HCN1: variants seen among roughly 807,000 people sequenced by gnomAD.
The protein encoded by HCN1 is potassium/sodium hyperpolarization-activated cyclic nucleotide-gated channel 1.
Under a neutral mutation model 78.9 loss-of-function variants are expected in HCN1, and 13 were observed. That is an observed-to-expected ratio of 0.16 (90% confidence interval 0.11 to 0.26). The LOEUF (loss-of-function observed/expected upper bound fraction) is 0.26. HCN1 is among the 10% of genes least tolerant of loss of function. HCN1 has a pLI of 1.00. For synonymous variants in HCN1, 552 were observed against 455.5 expected (o/e 1.21, Z -2.70); for missense variants, 810 against 1,154.3 (o/e 0.70, Z 4.32).
intron 4 of HCN1, among the ~76,000 whole-genome samples, chr5:45,375,233 TATATA>T (rs539097882): frequency 3.0e-3 from 349 of 116,924 alleles, no homozygotes; most frequent in African/African-American, 0.012. Context: ...TATTTTATAA[TATATA>T]ATATATTATA....
chr5:45,408,969 G>A (rs1008382031), intron 3 of HCN1, among the ~76,000 whole-genome samples: 8 of 151,900 alleles, frequency 5.3e-5, no homozygotes, highest in African/African-American at 1.9e-4. Context: ...TGTTTATGTC[G>A]GTTATCAGAT....
intron 2 of HCN1, among the ~76,000 whole-genome samples, chr5:45,616,542 A>T (rs368325349): frequency 7.2e-5 from 11 of 151,988 alleles, no homozygotes; most frequent in African/African-American, 2.7e-4. Context: ...AGAAAATAAG[A>T]TTTTCTCAGC....
chr5:45,449,811 T>C (rs1740878805), intron 3 of HCN1, among the ~76,000 whole-genome samples: 1 of 151,366 alleles, frequency 6.6e-6, no homozygotes, highest in Non-Finnish European at 1.5e-5. Context: ...TGCATAAGAA[T>C]ATTGAAATTG....
chr5:45,311,472 T>C (rs1426678617), intron 5 of HCN1, among the ~76,000 whole-genome samples: 1 of 152,140 alleles, frequency 6.6e-6, no homozygotes, highest in Non-Finnish European at 1.5e-5. Context: ...AATTGATAAT[T>C]TTTGCTAATA....
chr5:45,336,975 C>T (rs1746470140), intron 5 of HCN1, among the ~76,000 whole-genome samples: 1 of 151,934 alleles, frequency 6.6e-6, no homozygotes, highest in Non-Finnish European at 1.5e-5. Context: ...AGGATTTCAA[C>T]ATATGAACTG....
chr5:45,635,952 C>T (rs1438786616), intron 2 of HCN1, among the ~76,000 whole-genome samples: 2 of 152,088 alleles, frequency 1.3e-5, no homozygotes, highest in Non-Finnish European at 2.9e-5. Flanking sequence ...TTAGTAAAAA[C>T]ACCTTTGACA....
At chr5:45,373,352 T>C (rs1358941729) in intron 4 of HCN1, among the ~76,000 whole-genome samples, 1 of 119,272 alleles carries the variant, frequency 8.4e-6, no homozygotes, top group Non-Finnish European at 1.6e-5. Context: ...ATAAAATATA[T>C]ATTTATAAAT....
chr5:45,332,822 A>AT (rs573459508), intron 5 of HCN1, among the ~76,000 whole-genome samples: 464 of 150,560 alleles, frequency 3.1e-3, no homozygotes, highest in Non-Finnish European at 3.5e-3. Flanking sequence ...ACAGGATCTC[A>AT]TTTTTTTTTA....
chr5:45,683,632 A>AAT (rs143978853), intron 1 of HCN1, among the ~76,000 whole-genome samples: 79 of 149,958 alleles, frequency 5.3e-4, no homozygotes, highest in Admixed American at 1.9e-3. Flanking sequence ...TAGCCAGTTA[A>AAT]ATATATATAT....
At chr5:45,443,332 A>C (rs1740721128) in intron 3 of HCN1, among the ~76,000 whole-genome samples, 1 of 152,078 alleles carries the variant, frequency 6.6e-6, no homozygotes, top group Admixed American at 6.6e-5. Flanking sequence ...ACTTTTGTAC[A>C]TCAAATTTTA....
At chr5:45,622,108 G>T (rs1379657912) in intron 2 of HCN1, among the ~76,000 whole-genome samples, 1 of 151,986 alleles carries the variant, frequency 6.6e-6, no homozygotes, top group Non-Finnish European at 1.5e-5. Flanking sequence ...TGTAGTCTCA[G>T]CTACGCAGGA....
intron 5 of HCN1, among the ~76,000 whole-genome samples, chr5:45,308,828 A>AG: frequency 6.6e-6 from 1 of 152,146 alleles, no homozygotes; most frequent in East Asian, 1.9e-4. Context: ...CTTTTTTCTT[A>AG]GGATTGTCTT....
chr5:45,293,737 G>C (rs1266588053), intron 6 of HCN1, among the ~76,000 whole-genome samples: 1 of 151,834 alleles, frequency 6.6e-6, no homozygotes, highest in Non-Finnish European at 1.5e-5. Flanking sequence ...ATTTATAAAT[G>C]ACTTTATAAA....
chr5:45,640,913 A>G (rs558204326), intron 2 of HCN1, among the ~76,000 whole-genome samples: 37 of 152,178 alleles, frequency 2.4e-4, no homozygotes, highest in African/African-American at 8.7e-4. Flanking sequence ...ATAAAATTAT[A>G]GAAGCAGAAA....
At chr5:45,505,734 TTAA>T (rs1288170351) in intron 2 of HCN1, among the ~76,000 whole-genome samples, 2 of 152,170 alleles carry the variant, frequency 1.3e-5, no homozygotes, top group Non-Finnish European at 2.9e-5. Context: ...GCTTAGTTTA[TTAA>T]TATTTTTCAT....
chr5:45,415,652 A>G (rs771984734), intron 3 of HCN1, among the ~76,000 whole-genome samples: 1 of 151,992 alleles, frequency 6.6e-6, no homozygotes, highest in African/African-American at 2.4e-5. Context: ...AAGTTTCTCA[A>G]AGATCGACCT....
intron 5 of HCN1, among the ~76,000 whole-genome samples, chr5:45,320,567 C>T (rs1746104857): frequency 6.6e-6 from 1 of 151,806 alleles, no homozygotes; most frequent in East Asian, 1.9e-4. Context: ...CCAGTAACCA[C>T]ATGCTTGCAA....
At chr5:45,446,648 T>C (rs1246429075) in intron 3 of HCN1, among the ~76,000 whole-genome samples, 1 of 152,118 alleles carries the variant, frequency 6.6e-6, no homozygotes, top group Non-Finnish European at 1.5e-5. Flanking sequence ...AAAGGTCCGG[T>C]TACCCTCAAA....
chr5:45,349,752 G>A (rs959894252), intron 5 of HCN1, among the ~76,000 whole-genome samples: 2 of 151,772 alleles, frequency 1.3e-5, no homozygotes, highest in African/African-American at 2.4e-5. Flanking sequence ...ACACCTCTAC[G>A]CAAACTGACT....
Sources: allele counts gnomAD v4.1 joint callset (sites outside exome capture counted in the v4.1 genomes callset), GRCh38; gene constraint gnomAD v4.1.1; transcripts MANE v1.5; gene names NCBI Gene and HGNC (gene_info 2026-07-23, HGNC 2026-07-21).